Variants in CNTN6 observed in about 807,000 individuals in gnomAD.
CNTN6 encodes contactin 6, also known as contactin-6.
A neutral mutation model predicts 122.8 loss-of-function variants in CNTN6; 137 were observed. The observed-to-expected ratio is 1.12, with a 90% CI of 0.97 to 1.29. CNTN6 has a LOEUF of 1.29. CNTN6 is among the 50% of genes most tolerant of loss of function. CNTN6 has a pLI of 0.00. For synonymous variants in CNTN6, 570 were observed against 426.0 expected, an observed-to-expected ratio of 1.34 and a Z score of -4.16; for missense variants, 1,634 against 1,223.4, an observed-to-expected ratio of 1.34 and a Z score of -5.01.
intron 17 of CNTN6, among the ~76,000 whole-genome samples, chr3:1,382,255 A>G (rs868701139): frequency 1.2e-4 from 18 of 152,146 alleles, no homozygotes; most frequent in Non-Finnish European, 2.5e-4. Context: ...ATTGTTTACA[A>G]TTTTTAGTAT....
intron 16 of CNTN6, among the ~76,000 whole-genome samples, chr3:1,376,288 T>C (rs1043386948): frequency 7.9e-5 from 12 of 152,248 alleles, no homozygotes; most frequent in Admixed American, 2.0e-4. Context: ...TTATTCATTG[T>C]GTTAGTCCTT....
chr3:1,182,151 T>C (rs952930927), intron 2 of CNTN6, among the ~76,000 whole-genome samples: 1 of 152,180 alleles, frequency 6.6e-6, no homozygotes, highest in Non-Finnish European at 1.5e-5. Context: ...CAGCTACTCT[T>C]CTAAACATCT....
intron 20 of CNTN6, chr3:1,401,232 A>T: frequency 2.0e-6 from 1 of 501,664 alleles, no homozygotes; most frequent in Non-Finnish European, 3.5e-6. Context: ...TAAGTCTGTC[A>T]CAAAGGCATT....
intron 12 of CNTN6, among the ~76,000 whole-genome samples, chr3:1,362,026 G>A (rs1707535588): frequency 6.6e-6 from 1 of 152,118 alleles, no homozygotes; most frequent in Non-Finnish European, 1.5e-5. Context: ...CAAATAGAAT[G>A]AAGTCTGCTA....
At chr3:1,369,685 A>G (rs1237072221) in intron 12 of CNTN6, among the ~76,000 whole-genome samples, 1 of 152,138 alleles carries the variant, frequency 6.6e-6, no homozygotes, top group African/African-American at 2.4e-5. Context: ...GCATGATCTA[A>G]AACTTTAAAT....
intron 7 of CNTN6, among the ~76,000 whole-genome samples, chr3:1,298,714 G>A (rs1696704434): frequency 6.6e-6 from 1 of 152,122 alleles, no homozygotes. Flanking sequence ...ATATGCATGT[G>A]AGTTACCTGG....
In CNTN6 at chr3:1,175,077, C is replaced by A. The variant is rs116323113; in HGVS notation, c.55+27014C>A. Among the ~76,000 whole-genome samples, 387 of 151,738 alleles carry A rather than the reference C, an allele frequency of 2.6e-3. 2 individuals carry two copies. Among genetic ancestry groups the A allele is most frequent in the Non-Finnish European group, 4.3e-3 (295 of 67,890 alleles). The stretch of plus-strand genomic sequence containing the variant: ...ATGGTGAGACCCCATCTACAAAAAA[C>A]ACAAAATTTGGCCAGGCATGGTGGT... On this transcript the variant is annotated intron_variant, in intron 2 of 22. Coordinates refer to ENST00000446702, the MANE Select transcript of CNTN6 (RefSeq NM_001289080.2).
intron 4 of CNTN6, among the ~76,000 whole-genome samples, chr3:1,245,269 ATATATAC>A (rs2094556302): frequency 4.4e-4 from 2 of 4,566 alleles, no homozygotes; most frequent in African/African-American, 7.5e-4. Flanking sequence ...ATATATATAT[ATATATAC>A]ACACACATAT....
chr3:1,249,075 G>T (rs1215912914), intron 4 of CNTN6, among the ~76,000 whole-genome samples: 1 of 152,166 alleles, frequency 6.6e-6, no homozygotes, highest in Non-Finnish European at 1.5e-5. Flanking sequence ...TGATGGTGCT[G>T]CCCTGGACAG....
intron 8 of CNTN6, among the ~76,000 whole-genome samples, chr3:1,324,344 G>C (rs746208681): frequency 6.7e-6 from 1 of 149,532 alleles, no homozygotes; most frequent in Non-Finnish European, 1.5e-5. Flanking sequence ...GCACAATTTC[G>C]AATCCTCTCG....
At chr3:1,149,101 A>T (rs1404304637) in intron 2 of CNTN6, among the ~76,000 whole-genome samples, 1 of 152,218 alleles carries the variant, frequency 6.6e-6, no homozygotes, top group South Asian at 2.1e-4. Flanking sequence ...CTGCAAAATT[A>T]TACCATAAAA....
At chr3:1,272,558 T>A (rs779977099) in intron 4 of CNTN6, among the ~76,000 whole-genome samples, 1 of 152,248 alleles carries the variant, frequency 6.6e-6, no homozygotes, top group African/African-American at 2.4e-5. Flanking sequence ...TATTCAGATT[T>A]TTAACAACTC....
At chr3:1,329,249 ATATG>A (rs1437903510) in intron 10 of CNTN6, among the ~76,000 whole-genome samples, 2 of 140,422 alleles carry the variant, frequency 1.4e-5, no homozygotes, top group East Asian at 4.1e-4. Flanking sequence ...GCATACATGT[ATATG>A]TGTGTGTGTG....
At chr3:1,318,073 G>GA (rs1700348395) in intron 7 of CNTN6, among the ~76,000 whole-genome samples, 2 of 149,076 alleles carry the variant, frequency 1.3e-5, no homozygotes, top group Admixed American at 1.3e-4. Context: ...AATTGAGAAA[G>GA]AAGAAAAAAA....
At chr3:1,117,027 T>C (rs2091749605) in intron 1 of CNTN6, among the ~76,000 whole-genome samples, 1 of 152,100 alleles carries the variant, frequency 6.6e-6, no homozygotes, top group Admixed American at 6.6e-5. Context: ...TGCCAAGTCA[T>C]GAATCAAAGT....
At chr3:1,123,344 A>G (rs531399993) in intron 1 of CNTN6, among the ~76,000 whole-genome samples, 11 of 151,946 alleles carry the variant, frequency 7.2e-5, no homozygotes, top group African/African-American at 2.6e-4. Context: ...TCTAGTTCTC[A>G]GTGTACAAGT....
chr3:1,255,416 G>GAAA (rs112987509), intron 4 of CNTN6, among the ~76,000 whole-genome samples: 12 of 117,082 alleles, frequency 1.0e-4, no homozygotes, highest in South Asian at 4.2e-4. Flanking sequence ...ATTTGAAAAT[G>GAAA]GAAAAAAAAA....
In CNTN6 at chr3:1,245,240, A is replaced by ATATATATATAT. The variant is rs1559596129; in HGVS notation, c.358+17247_358+17248insTATATATATAT. 1.3e-3 allele frequency among the ~76,000 whole-genome samples: 16 copies of ATATATATATAT among 12,166 alleles called. 2 individuals are homozygous for ATATATATATAT. The highest frequency in any genetic ancestry group is 2.3e-3 in the Non-Finnish European group (15 of 6,580). The allele number at this position is 12,166 out of a possible 152,430, so 8.0% of individuals were successfully genotyped here. The stretch of plus-strand genomic sequence containing the variant: ...TATATATATATATATATATATACAC[A>ATATATATATAT]CACACATATATATATAACATATATA... On this transcript the variant is annotated intron_variant, in intron 4 of 22. Coordinates refer to ENST00000446702, the MANE Select transcript of CNTN6 (RefSeq NM_001289080.2).
intron 8 of CNTN6, among the ~76,000 whole-genome samples, chr3:1,325,145 A>G (rs950553617): frequency 2.6e-5 from 4 of 151,836 alleles, no homozygotes; most frequent in Admixed American, 6.6e-5. Flanking sequence ...TTTCACGTCA[A>G]TTATGCCAGT....
Sources: gnomAD v4.1 joint callset for allele counts (sites outside exome capture counted in the v4.1 genomes callset) on GRCh38, gnomAD v4.1.1 for gene constraint, MANE v1.5 for transcripts, NCBI Gene and HGNC (gene_info 2026-07-23, HGNC 2026-07-21) for gene names.